PARD3: variants seen among roughly 807,000 people sequenced by gnomAD.
The protein encoded by PARD3 is par-3 family cell polarity regulator, also known as partitioning defective 3 homolog.
A neutral mutation model predicts 155.4 loss-of-function variants in PARD3; 75 were observed. The ratio of observed to expected loss-of-function variants is 0.48; its 90% confidence interval spans 0.40 to 0.58. The LOEUF (loss-of-function observed/expected upper bound fraction) is 0.58, where lower values mean the gene tolerates loss of function less well. PARD3 is among the 20% of genes least tolerant of loss of function. The probability of loss-of-function intolerance (pLI) is 0.00; values close to 1 mark genes in which losing one functional copy is unlikely to be tolerated. For synonymous variants in PARD3, 576 were observed against 610.5 expected (o/e 0.94, Z 0.83); for missense variants, 1,642 against 1,721.7 (o/e 0.95, Z 0.82).
intron 22 of PARD3, among the ~76,000 whole-genome samples, chr10:34,183,857 G>A (rs1589049073): frequency 6.6e-6 from 1 of 152,148 alleles, no homozygotes; most frequent in Admixed American, 6.5e-5. Context: ...ACGTATGTAC[G>A]TGTCGTTAAT....
At chr10:34,253,262 G>A (rs560557826) in intron 22 of PARD3, among the ~76,000 whole-genome samples, 35 of 152,264 alleles carry the variant, frequency 2.3e-4, no homozygotes, top group African/African-American at 8.4e-4. Context: ...TGTCAAGTAG[G>A]TGCGCAACAG....
In PARD3 at chr10:34,606,959, C is replaced by CT. The variant is rs1243321064; in HGVS notation, c.222+89358dup. Among the ~76,000 whole-genome samples the CT allele has an allele frequency of 1.6e-4, 16 of 102,696 alleles. No individual in the cohort carries two copies. In the South Asian group the frequency reaches 4.5e-3, roughly 29 times the overall value. The allele number at this position is 102,696 out of a possible 152,430, so 67.4% of individuals were successfully genotyped here. ...TCCAGCCTGGTGACAGAGAGAGACT[C>CT]TGTCTTAAAAAAAAAAAAAAAAAAA... On this transcript the variant is annotated intron_variant, in intron 2 of 24. Transcript: ENST00000374788.
chr10:34,808,049 C>T (rs889136344), intron 1 of PARD3, among the ~76,000 whole-genome samples: 6 of 152,190 alleles, frequency 3.9e-5, no homozygotes, highest in African/African-American at 1.4e-4. Context: ...CATGGTGGCT[C>T]GTGCCTGTAA....
At chr10:34,495,430 CA>C (rs1374457061) in intron 3 of PARD3, among the ~76,000 whole-genome samples, 1 of 152,220 alleles carries the variant, frequency 6.6e-6, no homozygotes, top group Non-Finnish European at 1.5e-5. Flanking sequence ...AAAGATTAAT[CA>C]CTCGGATAAT....
intron 14 of PARD3, among the ~76,000 whole-genome samples, chr10:34,350,717 C>CTAT (rs1837980845): frequency 6.6e-6 from 1 of 152,082 alleles, no homozygotes; most frequent in East Asian, 1.9e-4. Context: ...ATTTTGTTGT[C>CTAT]TATTTGTGGT....
At chr10:34,240,075 AATTC>A (rs1486514972) in intron 22 of PARD3, among the ~76,000 whole-genome samples, 1 of 152,172 alleles carries the variant, frequency 6.6e-6, no homozygotes, top group Admixed American at 6.5e-5. Context: ...ACCCCCGTCT[AATTC>A]CTTTAGGTTG....
chr10:34,380,674 A>G (rs908316001), intron 9 of PARD3, among the ~76,000 whole-genome samples: 6 of 152,150 alleles, frequency 3.9e-5, no homozygotes, highest in Non-Finnish European at 5.9e-5. Context: ...TTTAATGGCA[A>G]ATCACCTCAT....
At chr10:34,459,174 C>CT (rs968350258) in intron 4 of PARD3, among the ~76,000 whole-genome samples, 177 of 149,578 alleles carry the variant, frequency 1.2e-3, no homozygotes, top group Non-Finnish European at 1.6e-3. Flanking sequence ...CATTTTCTTT[C>CT]TTTTTTTTTT....
chr10:34,722,351 A>C (rs1188742123), intron 1 of PARD3, among the ~76,000 whole-genome samples: 5 of 152,154 alleles, frequency 3.3e-5, no homozygotes, highest in Non-Finnish European at 7.4e-5. Flanking sequence ...TGCTATCTCC[A>C]GTGGTTATCG....
intron 2 of PARD3, among the ~76,000 whole-genome samples, chr10:34,598,182 G>C (rs2089461657): frequency 6.6e-6 from 1 of 152,174 alleles, no homozygotes. Flanking sequence ...CTGAAGAAGA[G>C]AAGGAATTCT....
chr10:34,692,927 C>A (rs1455593744), intron 2 of PARD3, among the ~76,000 whole-genome samples: 1 of 152,290 alleles, frequency 6.6e-6, no homozygotes, highest in East Asian at 1.9e-4. Context: ...AATACATACA[C>A]ATGGCCAATA....
chr10:34,377,824 A>T (rs1841409064), intron 10 of PARD3, 143 bp downstream of exon 10: 1 of 532,126 alleles, frequency 1.9e-6, no homozygotes, highest in Admixed American at 3.2e-5. Context: ...TAAACATAAA[A>T]CAGAAACACA....
At chr10:34,694,779 A>T (rs2094134896) in intron 2 of PARD3, among the ~76,000 whole-genome samples, 1 of 152,118 alleles carries the variant, frequency 6.6e-6, no homozygotes, top group Non-Finnish European at 1.5e-5. Context: ...AATCTTCCAA[A>T]TTTATACACT....
chr10:34,667,276 A>G (rs2093510969), intron 2 of PARD3, among the ~76,000 whole-genome samples: 1 of 152,254 alleles, frequency 6.6e-6, no homozygotes, highest in African/African-American at 2.4e-5. Context: ...AGCTAGTAGG[A>G]GTGATCTTTC....
chr10:34,571,089 T>C (rs1013731091), intron 2 of PARD3, among the ~76,000 whole-genome samples: 5 of 152,086 alleles, frequency 3.3e-5, no homozygotes, highest in East Asian at 3.9e-4. Flanking sequence ...GAGGGAAGGA[T>C]TGCTTGAGGC....
chr10:34,119,854 G>T, intron 23 of PARD3, 114 bp from the exon 24 acceptor site: 1 of 1,011,646 alleles, frequency 9.9e-7, no homozygotes, highest in East Asian at 2.9e-5. Context: ...TGAAAATTCT[G>T]TGATTTGTTT....
intron 24 of PARD3, among the ~76,000 whole-genome samples, chr10:34,115,138 AG>A (rs977135458): frequency 7.2e-5 from 11 of 152,166 alleles, no homozygotes; most frequent in Admixed American, 7.2e-4. Context: ...AGACAGAGGG[AG>A]CGAGGCTAAG....
At chr10:34,572,603 T>G (rs978189711) in intron 2 of PARD3, among the ~76,000 whole-genome samples, 1 of 148,026 alleles carries the variant, frequency 6.8e-6, no homozygotes, top group South Asian at 2.1e-4. Flanking sequence ...ATCATATCAC[T>G]GCACTCCAGC....
At chr10:34,794,540 T>C (rs758994444) in intron 1 of PARD3, among the ~76,000 whole-genome samples, 52 of 152,232 alleles carry the variant, frequency 3.4e-4, no homozygotes, top group Non-Finnish European at 6.5e-4. Flanking sequence ...AATGATGAAA[T>C]TACTGCATTC....
Sources: allele counts gnomAD v4.1 joint callset (sites outside exome capture counted in the v4.1 genomes callset), GRCh38; gene constraint gnomAD v4.1.1; transcripts MANE v1.5; gene names NCBI Gene and HGNC (gene_info 2026-07-23, HGNC 2026-07-21).